Variants in PHF2 observed in about 807,000 individuals in gnomAD.
PHF2 encodes the protein PHD finger protein 2.
Under a neutral mutation model 120.5 loss-of-function variants are expected in PHF2, and 27 were observed. The observed-to-expected ratio is 0.22, with a 90% CI of 0.17 to 0.31. The LOEUF (loss-of-function observed/expected upper bound fraction) is 0.31, where lower values mean the gene tolerates loss of function less well. Ranked by LOEUF, PHF2 falls within the 10% of genes least tolerant of loss-of-function variation. The probability of loss-of-function intolerance (pLI) is 1.00; values close to 1 mark genes in which losing one functional copy is unlikely to be tolerated. For synonymous variants in PHF2, 568 were observed against 592.5 expected (o/e 0.96, Z 0.60); for missense variants, 1,024 against 1,434.8 (o/e 0.71, Z 4.63).
chr9:93,601,116 C>T (rs1468600626), intron 1 of PHF2, among the ~76,000 whole-genome samples: 2 of 152,082 alleles, frequency 1.3e-5, no homozygotes, highest in Non-Finnish European at 2.9e-5. Context: ...TACTTACATC[C>T]CCTAGGAGAA....
intron 16 of PHF2, among the ~76,000 whole-genome samples, chr9:93,666,702 G>A (rs1826687914): frequency 1.3e-5 from 2 of 152,174 alleles, no homozygotes; most frequent in African/African-American, 4.8e-5. Context: ...TGGCTGAGGT[G>A]GGTGGATCAC....
Position 93,655,927 on chromosome 9 carries a change from C to T in PHF2, c.953-7C>T. ...TGGGGCACCAGCCACTCCTGTCTCT[C>T]TCCCAGGCTGGATCTACGCCACACT... On this transcript the variant is annotated splice_polypyrimidine_tract_variant and splice_region_variant and intron_variant, in intron 7 of 21. Coordinates refer to ENST00000359246, the MANE Select transcript of PHF2 (RefSeq NM_005392.4). The T allele has an allele frequency of 1.9e-6, 3 of 1,609,196 alleles. No homozygotes were observed. Among genetic ancestry groups the T allele is most frequent in the East Asian group, 2.2e-5 (1 of 44,724 alleles).
chr9:93,650,235 A>G (rs1359521767), intron 5 of PHF2, among the ~76,000 whole-genome samples: 1 of 151,832 alleles, frequency 6.6e-6, no homozygotes, highest in Non-Finnish European at 1.5e-5. Flanking sequence ...CGATACACCC[A>G]CGGGCATTCA....
At chr9:93,642,712 A>G (rs1304314016) in intron 3 of PHF2, among the ~76,000 whole-genome samples, 1 of 152,154 alleles carries the variant, frequency 6.6e-6, no homozygotes, top group Non-Finnish European at 1.5e-5. Context: ...TCTGCTTAGA[A>G]CCCAGTAAGC....
In PHF2 at chr9:93,655,931, C is replaced by A; in HGVS notation, c.953-3C>A. 6.2e-7 allele frequency: 1 copy of A among 1,610,340 alleles called. No individual in the cohort carries two copies. On this transcript the variant is annotated splice_polypyrimidine_tract_variant and splice_region_variant and intron_variant, in intron 7 of 21. Transcript: ENST00000359246. ...GCACCAGCCACTCCTGTCTCTCTCC[C>A]AGGCTGGATCTACGCCACACTCACC...
intron 2 of PHF2, among the ~76,000 whole-genome samples, chr9:93,635,722 G>A (rs559882015): frequency 2.0e-5 from 3 of 152,180 alleles, no homozygotes; most frequent in Non-Finnish European, 4.4e-5. Context: ...TTGCATGGGC[G>A]CATAGTCCAC....
rs561637078 is a variant in PHF2, at chr9:93,674,834, G to A, written c.2627-93G>A. 5.6e-4 allele frequency: 473 copies of A among 842,656 alleles called. 2 individuals are homozygous for A. In the African/African-American group the frequency reaches 6.7e-3, roughly 12 times the overall value. 52.2% of individuals were successfully genotyped at this position (842,656 alleles called of 1,614,324 possible). A position where few individuals can be genotyped will look rare whatever the true frequency, so the allele number is the denominator to read the frequency against. On this transcript the variant is annotated intron_variant, in intron 18 of 21. Coordinates refer to ENST00000359246, the MANE Select transcript of PHF2 (RefSeq NM_005392.4). ...TAGTGTAGGCCCTGGGGTTGCTGGC[G>A]AGGAAGGTCTGCAGCCACCTGTACC...
chr9:93,676,532 C>A (rs964717561), intron 20 of PHF2, 62 bp from the exon 21 acceptor site: 79 of 1,541,412 alleles, frequency 5.1e-5, no homozygotes, highest in Non-Finnish European at 6.4e-5. Flanking sequence ...GCCGGGAGCT[C>A]CCTGCTCTGT....
intron 1 of PHF2, among the ~76,000 whole-genome samples, chr9:93,592,595 A>C (rs1004458278): frequency 3.9e-5 from 6 of 152,102 alleles, no homozygotes; most frequent in African/African-American, 7.2e-5. Flanking sequence ...TCTGTCGCTC[A>C]GTGTTCAGAG....
Position 93,655,343 on chromosome 9 carries a change from C to G in PHF2, c.953-591C>G, listed in dbSNP as rs924042333. 5.3e-5 allele frequency among the ~76,000 whole-genome samples: 8 copies of G among 150,206 alleles called. No individual in the cohort carries two copies. The Admixed American group carries it at 5.3e-4, about 10-fold the overall frequency. On this transcript the variant is annotated intron_variant, in intron 7 of 21. Transcript: ENST00000359246. Reference sequence around the variant, plus strand: ...CCTCATATTTTAATGATTTATAAGGCTCAGAATCTTCTGTAATCTCTGGGT... The same window carrying G: ...CCTCATATTTTAATGATTTATAAGGGTCAGAATCTTCTGTAATCTCTGGGT...
chr9:93,636,522 C>A lies in PHF2; in HGVS notation c.296C>A (p.Pro99His). 6.3e-7 allele frequency: 1 copy of A among 1,582,860 alleles called. No individual in the cohort carries two copies. Among genetic ancestry groups the A allele is most frequent in the Non-Finnish European group, 8.6e-7 (1 of 1,164,390 alleles). Residue 99 changes from proline to histidine, a missense_variant, in exon 3 of 22, where the codon CCC becomes CAC. By Grantham distance (77) the Pro-to-His change is moderately conservative. Transcript: ENST00000359246. The part of the protein sequence containing the change: ...FIKELRSRTF[P>H]SAEDVVARVP... ...AAGGAGCTGCGGAGCCGGACCTTTC[C>A]CAGGTGGGCTGGCCTTCCTGTATGC...
chr9:93,663,071 G>T (rs948701199), intron 13 of PHF2, 45 bp downstream of exon 13: 2 of 1,611,884 alleles, frequency 1.2e-6, no homozygotes, highest in Non-Finnish European at 1.7e-6. Context: ...TGTCAGCTTG[G>T]TGAGTGTGAG....
intron 1 of PHF2, among the ~76,000 whole-genome samples, chr9:93,577,314 C>G (rs1178648716): frequency 6.6e-6 from 1 of 151,746 alleles, no homozygotes; most frequent in Non-Finnish European, 1.5e-5. Flanking sequence ...CGGGGTTGGC[C>G]GGGCCGGGAG....
At chr9:93,626,954 C>T (rs995711820) in intron 1 of PHF2, among the ~76,000 whole-genome samples, 7 of 152,172 alleles carry the variant, frequency 4.6e-5, no homozygotes, top group African/African-American at 1.7e-4. Context: ...ATCCTTATGC[C>T]AGTGCCACAC....
chr9:93,640,234 T>G (rs898648186), intron 3 of PHF2, among the ~76,000 whole-genome samples: 1 of 152,224 alleles, frequency 6.6e-6, no homozygotes, highest in Non-Finnish European at 1.5e-5. Context: ...CTGCCATTAA[T>G]TTTAGAAAAT....
At chr9:93,664,814 G>A (rs1826645734) in intron 14 of PHF2, among the ~76,000 whole-genome samples, 1 of 152,270 alleles carries the variant, frequency 6.6e-6, no homozygotes, top group South Asian at 2.1e-4. Flanking sequence ...AAAGAGCGGT[G>A]TGACTCTAGC....
chr9:93,581,640 G>A (rs937964781), intron 1 of PHF2, among the ~76,000 whole-genome samples: 2 of 152,164 alleles, frequency 1.3e-5, no homozygotes, highest in African/African-American at 2.4e-5. Flanking sequence ...TTGTCAGAAC[G>A]TTTGCTATTA....
chr9:93,650,320 A>G (rs958320575), intron 5 of PHF2, among the ~76,000 whole-genome samples: 2 of 152,152 alleles, frequency 1.3e-5, no homozygotes, highest in Non-Finnish European at 2.9e-5. Context: ...TGACACGCTT[A>G]TGACACACAC....
At position 93,662,004 on chromosome 9, in the gene PHF2, AATGG is replaced by A. The variant is rs1357087430; in HGVS notation, c.1699-894_1699-891del. The stretch of plus-strand genomic sequence containing the variant: ...AAACAAATGGATGGGTGGATAAATG[AATGG>A]ATGGATGGGTAGATGATGAATGAAT... On this transcript the variant is annotated intron_variant, in intron 12 of 21. Coordinates refer to ENST00000359246, the MANE Select transcript of PHF2 (RefSeq NM_005392.4). Among the ~76,000 whole-genome samples, 2 of 146,188 alleles carry A rather than the reference AATGG, an allele frequency of 1.4e-5. 1 individual carries two copies. The highest frequency in any genetic ancestry group is 5.5e-5 in the African/African-American group (2 of 36,562).
Sources: allele counts gnomAD v4.1 joint callset (sites outside exome capture counted in the v4.1 genomes callset), GRCh38; gene constraint gnomAD v4.1.1; transcripts MANE v1.5; gene names NCBI Gene and HGNC (gene_info 2026-07-23, HGNC 2026-07-21).